Variants in ATAD2 observed in about 807,000 individuals in gnomAD.
ATAD2 encodes the protein ATPase family AAA domain-containing protein 2.
A neutral mutation model predicts 168.9 loss-of-function variants in ATAD2; 62 were observed. The ratio of observed to expected loss-of-function variants is 0.37; its 90% CI spans 0.30 to 0.45. ATAD2 has a LOEUF of 0.45. Among genes scored for constraint, ATAD2 ranks in the 20% least tolerant of loss-of-function variants. The pLI, the probability that ATAD2 is intolerant of heterozygous loss-of-function variation, is 1.00. For missense variants in ATAD2, 1,419 were observed against 1,667.8 expected (o/e 0.85, Z 2.60); for synonymous variants, 613 against 571.6 (o/e 1.07, Z -1.03).
chr8:123,348,146 T>G (rs774837640), intron 15 of ATAD2, 37 bp downstream of exon 15: 1 of 1,426,556 alleles, frequency 7.0e-7, no homozygotes, highest in Non-Finnish European at 9.6e-7. Flanking sequence ...TTGAAATAAA[T>G]GTAGTATTTA....
chr8:123,379,009 G>A (rs902421849), intron 2 of ATAD2, among the ~76,000 whole-genome samples: 1 of 151,906 alleles, frequency 6.6e-6, no homozygotes, highest in African/African-American at 2.4e-5. Context: ...TGTTGCCCAG[G>A]CTGGTATCAA....
At chr8:123,403,830 A>G (rs561688286) in intron 1 of ATAD2, among the ~76,000 whole-genome samples, 1 of 152,306 alleles carries the variant, frequency 6.6e-6, no homozygotes, top group East Asian at 1.9e-4. Flanking sequence ...TTCAGATCAC[A>G]GCCTACAGAA....
At chr8:123,358,909 G>A (rs1429576714) in intron 11 of ATAD2, among the ~76,000 whole-genome samples, 1 of 150,458 alleles carries the variant, frequency 6.6e-6, no homozygotes, top group African/African-American at 2.4e-5. Context: ...TCACCACGTT[G>A]CCCAGGCTGG....
At chr8:123,396,790 G>C (rs1337689066), upstream of ATAD2, among the ~76,000 whole-genome samples, 1 of 152,100 alleles carries the variant, frequency 6.6e-6, no homozygotes, top group Non-Finnish European at 1.5e-5. Context: ...TGGCTGGTGG[G>C]GTCCGGCGTC....
At chr8:123,404,837 G>GC (rs1367131394) in intron 1 of ATAD2, among the ~76,000 whole-genome samples, 1 of 152,096 alleles carries the variant, frequency 6.6e-6, no homozygotes, top group Non-Finnish European at 1.5e-5. Flanking sequence ...ACCGCGCCCA[G>GC]CCCCCCCTTT....
chr8:123,395,893 G>C (rs13257733), intron 1 of ATAD2, among the ~76,000 whole-genome samples: 2 of 152,178 alleles, frequency 1.3e-5, no homozygotes, highest in Non-Finnish European at 2.9e-5. Flanking sequence ...GCGGGCGGCC[G>C]AACAGCCGCG....
At chr8:123,373,006 C>T (rs935965695) in intron 2 of ATAD2, among the ~76,000 whole-genome samples, 1 of 151,870 alleles carries the variant, frequency 6.6e-6, no homozygotes, top group East Asian at 1.9e-4. Context: ...CATTCTCCTG[C>T]CTCAGCTTCC....
chr8:123,347,036 C>T, intron 16 of ATAD2, 56 bp downstream of exon 16: 2 of 1,472,908 alleles, frequency 1.4e-6, no homozygotes. Flanking sequence ...ATGTATGAAA[C>T]ATTTCACTTT....
intron 4 of ATAD2, among the ~76,000 whole-genome samples, 155 bp downstream of exon 4, chr8:123,371,515 T>C (rs1304839378): frequency 1.3e-5 from 2 of 152,194 alleles, no homozygotes; most frequent in African/African-American, 4.8e-5. Flanking sequence ...TAGAGACATA[T>C]ACAGAATTGT....
intron 13 of ATAD2, among the ~76,000 whole-genome samples, chr8:123,350,908 T>C (rs1828432843): frequency 6.6e-6 from 1 of 151,726 alleles, no homozygotes; most frequent in African/African-American, 2.4e-5. Context: ...TGTATTTTTT[T>C]TTTTAGTAGA....
upstream of ATAD2, among the ~76,000 whole-genome samples, chr8:123,397,631 A>T (rs1333051622): frequency 6.6e-6 from 1 of 152,272 alleles, no homozygotes; most frequent in East Asian, 1.9e-4. Context: ...TTTGTTAAAT[A>T]CATATTGAGC....
chr8:123,339,585 G>C, intron 19 of ATAD2, 139 bp from the exon 20 acceptor site: 1 of 784,140 alleles, frequency 1.3e-6, no homozygotes. Flanking sequence ...TTAACAATCG[G>C]GTTATGTCCA....
chr8:123,328,253 C>A lies in ATAD2; in HGVS notation c.3805G>T (p.Ala1269Ser). The A allele has an allele frequency of 6.6e-7, 1 of 1,513,834 alleles. No homozygotes were observed. Among genetic ancestry groups the A allele is most frequent in the Non-Finnish European group, 8.8e-7 (1 of 1,134,154 alleles). 93.8% of individuals were successfully genotyped at this position (1,513,834 alleles called of 1,614,324 possible). A position where few individuals can be genotyped will look rare whatever the true frequency, so the allele number is the denominator to read the frequency against. ...GAGCTAGAAGCATCTCCATTACAAG[C>A]AATCTTGTCTCTCAATTCTGTACAT... ...TACTELRDKIACNGDASSSQI... is the reference protein window; with the variant it reads ...TACTELRDKISCNGDASSSQI... The change falls in exon 25 of 28, where the codon GCT becomes TCT. Residue 1269 changes from alanine to serine, a missense_variant. By Grantham distance (99) the Ala-to-Ser change is moderately conservative. Coordinates refer to ENST00000287394, the MANE Select transcript of ATAD2 (RefSeq NM_014109.4).
intron 16 of ATAD2, 47 bp from the exon 17 acceptor site, chr8:123,346,797 C>A (rs755557747): frequency 5.3e-6 from 8 of 1,508,198 alleles, no homozygotes; most frequent in Non-Finnish European, 7.2e-6. Context: ...GATTGCAAAG[C>A]AAATCTTTAT....
At chr8:123,399,550 C>T (rs557649800), upstream of ATAD2, among the ~76,000 whole-genome samples, 9 of 152,146 alleles carry the variant, frequency 5.9e-5, no homozygotes, top group South Asian at 2.1e-4. Context: ...GAGAAACATA[C>T]AGTGGACTTG....
At chr8:123,401,063 T>C, upstream of ATAD2, 1 of 1,573,574 alleles carries the variant, frequency 6.4e-7, no homozygotes, top group Non-Finnish European at 8.7e-7. Flanking sequence ...TCCCGAGACA[T>C]CGACTTTCTT....
chr8:123,333,231 C>CAAAAAAAAAAAAAAA (rs71310667), intron 24 of ATAD2, among the ~76,000 whole-genome samples: 1 of 43,992 alleles, frequency 2.3e-5, no homozygotes, highest in Non-Finnish European at 3.7e-5. Context: ...TCTAAAAATA[C>CAAAAAAAAAAAAAAA]AAAAAAAAAA....
intron 1 of ATAD2, among the ~76,000 whole-genome samples, chr8:123,393,997 G>T (rs756765125): frequency 3.9e-5 from 6 of 152,080 alleles, no homozygotes; most frequent in Non-Finnish European, 7.4e-5. Flanking sequence ...ATATAAAGTG[G>T]TCAGACTTGG....
rs1173656274 is a variant in ATAD2, at chr8:123,323,065, T to G, written c.4004A>C (p.Asn1335Thr). The change falls in exon 27 of 28, where the codon AAT (asparagine) becomes ACT (threonine). Residue 1335 changes from asparagine to threonine, a missense_variant and splice_region_variant. By Grantham distance (65) the Asn-to-Thr change is moderately conservative. Transcript: ENST00000287394. ...SLVVDHERLKNLLKTVVKKSQ... is the reference protein window; with the variant it reads ...SLVVDHERLKTLLKTVVKKSQ... ...TTTTTTAACAACAGTCTTCAAAAGA[T>G]TCTAAAAGAAAATATGAGTGTCAAT... 6.2e-7 allele frequency: 1 copy of G among 1,608,264 alleles called. No homozygotes were observed. Among genetic ancestry groups the G allele is most frequent in the Non-Finnish European group, 8.5e-7 (1 of 1,176,832 alleles).
Sources: allele counts gnomAD v4.1 joint callset (sites outside exome capture counted in the v4.1 genomes callset), GRCh38; gene constraint gnomAD v4.1.1; transcripts MANE v1.5; gene names NCBI Gene and HGNC (gene_info 2026-07-23, HGNC 2026-07-21).